Variants in STX6 observed in about 807,000 individuals in gnomAD.
The protein encoded by STX6 is syntaxin-6.
Under a neutral mutation model 38.0 loss-of-function variants are expected in STX6, and 23 were observed. The ratio of observed to expected loss-of-function variants is 0.60; its 90% CI spans 0.43 to 0.86. The LOEUF (loss-of-function observed/expected upper bound fraction) is 0.86. Among genes scored for constraint, STX6 ranks in the 40% least tolerant of loss-of-function variants. The probability of loss-of-function intolerance (pLI) is 0.00; values close to 1 mark genes in which losing one functional copy is unlikely to be tolerated. For synonymous variants in STX6, 123 were observed against 107.5 expected (o/e 1.14, Z -0.89); for missense variants, 274 against 312.9 (o/e 0.88, Z 0.94).
At chr1:180,997,307 A>G (rs1204145378) in intron 3 of STX6, among the ~76,000 whole-genome samples, 2 of 152,248 alleles carry the variant, frequency 1.3e-5, no homozygotes, top group African/African-American at 2.4e-5. Context: ...TACAGGACCC[A>G]CTAGCTACTG....
At chr1:181,004,748 G>A (rs150565088) in intron 2 of STX6, among the ~76,000 whole-genome samples, 4 of 152,012 alleles carry the variant, frequency 2.6e-5, no homozygotes, top group African/African-American at 7.2e-5. Context: ...AAATTAATTC[G>A]ATCTATGGAG....
At chr1:181,004,201 G>C (rs1399460576) in intron 2 of STX6, among the ~76,000 whole-genome samples, 1 of 152,196 alleles carries the variant, frequency 6.6e-6, no homozygotes, top group Non-Finnish European at 1.5e-5. Flanking sequence ...CAAGTCACAT[G>C]GTAACTGGTT....
At chr1:181,016,715 A>T (rs866235049) in intron 1 of STX6, among the ~76,000 whole-genome samples, 35 of 152,224 alleles carry the variant, frequency 2.3e-4, no homozygotes, top group African/African-American at 7.5e-4. Flanking sequence ...AGAACACAAC[A>T]TAACATATAC....
At chr1:181,018,407 A>G (rs1656626549) in intron 1 of STX6, among the ~76,000 whole-genome samples, 1 of 147,080 alleles carries the variant, frequency 6.8e-6, no homozygotes, top group South Asian at 2.1e-4. Context: ...AAAAAAAAAA[A>G]AAAAAAAGAA....
chr1:181,017,348 G>A (rs1305656620), intron 1 of STX6, among the ~76,000 whole-genome samples: 10 of 152,014 alleles, frequency 6.6e-5, no homozygotes, highest in Admixed American at 5.9e-4. Context: ...AGCCGAGATC[G>A]CGCCACTGCA....
chr1:180,994,204 A>G (rs1655835329), intron 3 of STX6, among the ~76,000 whole-genome samples: 1 of 152,228 alleles, frequency 6.6e-6, no homozygotes, highest in Admixed American at 6.5e-5. Context: ...CTGCAACAAC[A>G]GTTTTTAAAA....
chr1:181,009,985 T>C (rs2102328072), intron 1 of STX6, among the ~76,000 whole-genome samples: 1 of 152,350 alleles, frequency 6.6e-6, no homozygotes, highest in Admixed American at 6.5e-5. Context: ...GAAGGCCACG[T>C]ACTATACGAT....
At chr1:180,984,092 A>C (rs1655499276) in intron 7 of STX6, among the ~76,000 whole-genome samples, 2 of 137,820 alleles carry the variant, frequency 1.5e-5, no homozygotes, top group East Asian at 2.1e-4. Flanking sequence ...AAAAAAAAAC[A>C]CAACGAAAGT....
chr1:181,002,003 C>A (rs934934711), intron 3 of STX6, among the ~76,000 whole-genome samples: 5 of 152,108 alleles, frequency 3.3e-5, no homozygotes, highest in South Asian at 4.1e-4. Flanking sequence ...ACATGGTGAA[C>A]CCTGTCTCTA....
chr1:181,001,092 C>T (rs769386436), intron 3 of STX6, among the ~76,000 whole-genome samples: 1 of 152,004 alleles, frequency 6.6e-6, no homozygotes, highest in Non-Finnish European at 1.5e-5. Flanking sequence ...AAACAATTTA[C>T]GTATATGTAT....
chr1:181,018,374 G>T (rs1468161360), intron 1 of STX6, among the ~76,000 whole-genome samples: 2 of 89,096 alleles, frequency 2.2e-5, no homozygotes, highest in Non-Finnish European at 4.0e-5. Context: ...GGGCGACAGA[G>T]TAAGACTCTG....
At chr1:181,013,195 C>A (rs1327570334) in intron 1 of STX6, among the ~76,000 whole-genome samples, 1 of 151,892 alleles carries the variant, frequency 6.6e-6, no homozygotes, top group Non-Finnish European at 1.5e-5. Context: ...TTACTTGCAT[C>A]TAACCAAGTT....
chr1:180,999,584 G>T (rs557213891), intron 3 of STX6, among the ~76,000 whole-genome samples: 2 of 151,678 alleles, frequency 1.3e-5, no homozygotes, highest in African/African-American at 4.8e-5. Context: ...AACAAGGAAA[G>T]CTTACTAAAG....
At chr1:181,013,953 T>G (rs1486958915) in intron 1 of STX6, among the ~76,000 whole-genome samples, 2 of 152,192 alleles carry the variant, frequency 1.3e-5, no homozygotes, top group Non-Finnish European at 2.9e-5. Context: ...GAAGGTATAG[T>G]GGTTGTCTTT....
chr1:180,992,795 TAAAAC>T (rs916787851), intron 4 of STX6, among the ~76,000 whole-genome samples: 2 of 152,240 alleles, frequency 1.3e-5, no homozygotes, highest in African/African-American at 2.4e-5. Context: ...TAAAACTACT[TAAAAC>T]AAAGAGAAAC....
At position 181,022,860 on chromosome 1, in the gene STX6, C is replaced by A. The variant is rs1047499661; in HGVS notation, c.-187G>T. The A allele has an allele frequency of 1.1e-5, 6 of 570,470 alleles. No individual in the cohort carries two copies. The highest frequency in any genetic ancestry group is 8.0e-5 in the African/African-American group (4 of 50,008). 35.3% of individuals were successfully genotyped at this position (570,470 alleles called of 1,614,324 possible). A position where few individuals can be genotyped will look rare whatever the true frequency, so the allele number is the denominator to read the frequency against. ...CTGGTCCAGCACTCGCTCAGCACCA[C>A]TGGCCGAATCCCGGACTCGGGCGCC... On this transcript the variant is annotated 5_prime_UTR_variant, in exon 1 of 8. Coordinates refer to ENST00000258301, the MANE Select transcript of STX6 (RefSeq NM_005819.6).
chr1:181,008,635 A>G (rs1321807558), intron 1 of STX6, among the ~76,000 whole-genome samples: 1 of 151,356 alleles, frequency 6.6e-6, no homozygotes, highest in Admixed American at 6.6e-5. Flanking sequence ...ATCCAAAATC[A>G]TATTTGTTAT....
chr1:181,002,741 G>T, intron 2 of STX6, 41 bp from the exon 3 acceptor site: 1 of 1,349,352 alleles, frequency 7.4e-7, no homozygotes, highest in Non-Finnish European at 1.1e-6. Flanking sequence ...CATCATCAAA[G>T]CCTGACAACA....
In STX6 at chr1:180,974,726, G is replaced by A. The variant is rs529889905; in HGVS notation, c.*1844C>T. On this transcript the variant is annotated 3_prime_UTR_variant, in exon 8 of 8. Transcript: ENST00000258301. ...GGATCATCCCCTTTCTTAGTTTATA[G>A]AAGATTCAAACTTTGTAAAACATAA... The A allele has an allele frequency of 2.3e-4, 35 of 152,710 alleles. No homozygotes were observed. Among genetic ancestry groups the A allele is most frequent in the Non-Finnish European group, 4.6e-4 (31 of 68,022 alleles). The allele number at this position is 152,710 out of a possible 1,614,324, so 9.5% of individuals were successfully genotyped here. A position where few individuals can be genotyped will look rare whatever the true frequency, so the allele number is the denominator to read the frequency against.
Sources: gnomAD v4.1 joint callset for allele counts (sites outside exome capture counted in the v4.1 genomes callset) on GRCh38, gnomAD v4.1.1 for gene constraint, MANE v1.5 for transcripts, NCBI Gene and HGNC (gene_info 2026-07-23, HGNC 2026-07-21) for gene names.